RALGAPA1: variants seen among roughly 807,000 people sequenced by gnomAD.
The protein encoded by RALGAPA1 is ral GTPase-activating protein subunit alpha-1.
In RALGAPA1, 52 loss-of-function variants were observed where a neutral mutation model predicts 269.6. The ratio of observed to expected loss-of-function variants is 0.19; its 90% CI spans 0.15 to 0.24. The LOEUF is 0.24. RALGAPA1 is among the 10% of genes least tolerant of loss of function. The pLI is 1.00. For synonymous variants in RALGAPA1, 817 were observed against 1,008.3 expected (o/e 0.81, Z 3.60); for missense variants, 1,917 against 3,013.9 (o/e 0.64, Z 8.52).
intron 30 of RALGAPA1, among the ~76,000 whole-genome samples, chr14:35,653,256 A>G (rs996740391): frequency 6.6e-6 from 1 of 152,238 alleles, no homozygotes; most frequent in Non-Finnish European, 1.5e-5. Context: ...TAAATGAGAT[A>G]TCATATGAAA....
At chr14:35,598,991 G>A (rs755673825) in intron 36 of RALGAPA1, among the ~76,000 whole-genome samples, 6 of 152,048 alleles carry the variant, frequency 3.9e-5, no homozygotes, top group Non-Finnish European at 8.8e-5. Flanking sequence ...GTACACTGTT[G>A]TACAGTTTTG....
At chr14:35,590,726 C>G (rs2058582633) in intron 37 of RALGAPA1, among the ~76,000 whole-genome samples, 1 of 152,180 alleles carries the variant, frequency 6.6e-6, no homozygotes, top group Non-Finnish European at 1.5e-5. Context: ...CAGACCAATA[C>G]AGTAGTCAAT....
Position 35,721,730 on chromosome 14 carries a change from C to T in RALGAPA1, c.2224G>A (p.Gly742Arg). 6 of 1,613,834 alleles carry T rather than the reference C, an allele frequency of 3.7e-6. No homozygotes were observed. The highest frequency in any genetic ancestry group is 5.1e-6 in the Non-Finnish European group (6 of 1,179,906). ...QRSATTTGSP[G>R]TEKARSIVRQ... Reference sequence around the variant, plus strand: ...ACTATACTCCTCGCCTTTTCGGTTCCTGGAGAACCAGTGGTTGTTGCACTC... The same window carrying T: ...ACTATACTCCTCGCCTTTTCGGTTCTTGGAGAACCAGTGGTTGTTGCACTC... The change falls in exon 16 of 42, where the codon GGA (glycine) becomes AGA (arginine). Residue 742 changes from glycine to arginine, a missense_variant. Gly to Arg is a moderately radical substitution (Grantham distance 125). Around this residue, in one of 11 missense-constraint regions of RALGAPA1, gnomAD observed 125 missense variants for 155.7 expected, o/e 0.80. Transcript: ENST00000680220.
chr14:35,611,235 C>A (rs1024397517), intron 35 of RALGAPA1, among the ~76,000 whole-genome samples: 2 of 151,962 alleles, frequency 1.3e-5, no homozygotes, highest in Non-Finnish European at 2.9e-5. Flanking sequence ...GTGGTTCATG[C>A]CTATAATCCC....
At chr14:35,775,539 A>T (rs1314681778) in intron 2 of RALGAPA1, 96 bp downstream of exon 2, 5 of 1,428,618 alleles carry the variant, frequency 3.5e-6, no homozygotes, top group Non-Finnish European at 4.6e-6. Context: ...TGTCCGACAA[A>T]AATAAGTGAA....
chr14:35,566,781 A>T (rs2056746282), intron 39 of RALGAPA1, among the ~76,000 whole-genome samples: 1 of 151,154 alleles, frequency 6.6e-6, no homozygotes. Context: ...GTTGTAGTTT[A>T]TTATATAAAT....
At chr14:35,710,795 A>G (rs1408024931) in intron 16 of RALGAPA1, among the ~76,000 whole-genome samples, 1 of 152,190 alleles carries the variant, frequency 6.6e-6, no homozygotes, top group Non-Finnish European at 1.5e-5. Flanking sequence ...CTATGTTTAG[A>G]TATGCTTACA....
intron 18 of RALGAPA1, among the ~76,000 whole-genome samples, chr14:35,687,942 T>TAATGTTAACTAC (rs2066104072): frequency 6.6e-6 from 1 of 152,228 alleles, no homozygotes; most frequent in Non-Finnish European, 1.5e-5. Flanking sequence ...TAGTTAACTA[T>TAATGTTAACTAC]AATGTTGGTG....
chr14:35,627,523 C>G lies in RALGAPA1; in HGVS notation c.6424G>C (p.Glu2142Gln), dbSNP rs2052107537. 3.8e-6 allele frequency: 6 copies of G among 1,596,720 alleles called. No individual in the cohort carries two copies. The Admixed American group carries it at 8.8e-5, about 24-fold the overall frequency. Residue 2142 changes from glutamate (E) to glutamine (Q), a missense_variant, in exon 34 of 42, where the codon GAG (glutamate) becomes CAG (glutamine). This residue lies in a region of RALGAPA1 where 346 missense variants were observed against 566.1 expected (regional missense o/e 0.61). Coordinates refer to ENST00000680220, the MANE Select transcript of RALGAPA1 (RefSeq NM_001346249.2). ...TSFMLSLSHQ[E>Q]KPEEPPTSNE... ...GATGTCGGAGGCTCTTCTGGCTTCT[C>G]TTGGTGAGACAATGAAAGCATGAAA...
intron 11 of RALGAPA1, among the ~76,000 whole-genome samples, chr14:35,741,796 C>T (rs1000105547): frequency 1.4e-4 from 21 of 152,166 alleles, no homozygotes; most frequent in African/African-American, 5.1e-4. Context: ...CCCCAGGAAC[C>T]CAAATGCCAC....
intron 37 of RALGAPA1, among the ~76,000 whole-genome samples, chr14:35,588,276 TATG>T (rs1407265896): frequency 2.0e-5 from 3 of 152,234 alleles, no homozygotes; most frequent in African/African-American, 7.2e-5. Context: ...TCTTATTTGC[TATG>T]ATAAAGGATT....
intron 27 of RALGAPA1, 28 bp from the exon 28 acceptor site, chr14:35,659,224 C>G (rs754327134): frequency 2.6e-6 from 4 of 1,549,468 alleles, no homozygotes; most frequent in Middle Eastern, 3.4e-4. Flanking sequence ...TAGTTAACGG[C>G]AATGACTGAG....
chr14:35,614,201 A>G (rs1433235125), intron 35 of RALGAPA1, among the ~76,000 whole-genome samples: 1 of 152,336 alleles, frequency 6.6e-6, no homozygotes, highest in Non-Finnish European at 1.5e-5. Context: ...GAGAGTTATC[A>G]TATCATCCAG....
intron 39 of RALGAPA1, among the ~76,000 whole-genome samples, chr14:35,562,446 C>A (rs765085576): frequency 6.6e-6 from 1 of 152,142 alleles, no homozygotes; most frequent in Admixed American, 6.5e-5. Context: ...GATCTCCCAA[C>A]CCCAAATGAA....
chr14:35,677,795 GA>G, intron 22 of RALGAPA1, 154 bp downstream of exon 22: 3 of 668,866 alleles, frequency 4.5e-6, no homozygotes, highest in East Asian at 3.0e-5. Flanking sequence ...TTAAGAACAA[GA>G]AAAAAGTTAC....
intron 27 of RALGAPA1, among the ~76,000 whole-genome samples, chr14:35,660,307 G>C (rs2063455491): frequency 6.6e-6 from 1 of 152,006 alleles, no homozygotes; most frequent in African/African-American, 2.4e-5. Flanking sequence ...AAAGTCAGTA[G>C]AGTAGCAGGA....
intron 26 of RALGAPA1, among the ~76,000 whole-genome samples, chr14:35,666,837 GCT>G (rs2140187650): frequency 6.6e-6 from 1 of 152,206 alleles, no homozygotes; most frequent in South Asian, 2.1e-4. Flanking sequence ...CAGGAAATGT[GCT>G]GACTAGTCAT....
At chr14:35,782,755 G>GT (rs996765939) in intron 1 of RALGAPA1, among the ~76,000 whole-genome samples, 7 of 151,870 alleles carry the variant, frequency 4.6e-5, no homozygotes, top group Non-Finnish European at 8.8e-5. Context: ...TCCTAACATA[G>GT]TTTTTTGCAA....
At chr14:35,590,587 G>T (rs2058575467) in intron 37 of RALGAPA1, among the ~76,000 whole-genome samples, 1 of 152,150 alleles carries the variant, frequency 6.6e-6, no homozygotes, top group Non-Finnish European at 1.5e-5. Flanking sequence ...TGTAAGATGT[G>T]CCTGATTCCC....
Sources: gnomAD v4.1 joint callset for allele counts (sites outside exome capture counted in the v4.1 genomes callset) on GRCh38, gnomAD v4.1.1 for gene constraint, gnomAD v4.1.1 regional missense constraint, MANE v1.5 for transcripts, NCBI Gene and HGNC (gene_info 2026-07-23, HGNC 2026-07-21) for gene names.